The following ERBB2 variants were observed in gnomAD, a reference collection of about 807,000 sequenced individuals.
ERBB2 encodes receptor tyrosine-protein kinase erbB-2.
ERBB2 carries 61 observed loss-of-function variants against 149.0 expected under a neutral mutation model. That is an observed-to-expected ratio of 0.41 (90% CI 0.33 to 0.51). The LOEUF is 0.51. Ranked by LOEUF, ERBB2 falls within the 20% of genes least tolerant of loss-of-function variation. ERBB2 has a pLI of 0.25. For missense variants in ERBB2, 1,205 were observed against 1,655.1 expected, an observed-to-expected ratio of 0.73 and a Z score of 4.72; for synonymous variants, 633 against 678.8, an observed-to-expected ratio of 0.93 and a Z score of 1.05.
upstream of ERBB2, among the ~76,000 whole-genome samples, chr17:39,697,804 C>G (rs1017348563): frequency 1.3e-5 from 2 of 152,034 alleles, no homozygotes; most frequent in African/African-American, 4.8e-5. Flanking sequence ...AGCAATTCTC[C>G]TGCCTCAGCC....
rs971655376 is a variant in ERBB2, at chr17:39,709,845, C to T, written c.607C>T (p.Arg203Cys). Residue 203 changes from arginine (R) to cysteine (C), a missense_variant, in exon 5 of 27, where the codon CGC (arginine) becomes TGC (cysteine). Around this residue, in one of 6 missense-constraint regions of ERBB2, gnomAD observed 569 missense variants for 803.5 expected, o/e 0.71. Coordinates refer to ENST00000269571, the MANE Select transcript of ERBB2 (RefSeq NM_004448.4). ...CTGTTCTCCGATGTGTAAGGGCTCC[C>T]GCTGCTGGGGAGAGAGTTCTGAGGA... ...HPCSPMCKGS[R>C]CWGESSEDCQ... The T allele has an allele frequency of 1.2e-5, 19 of 1,613,370 alleles. No homozygotes were observed. Among genetic ancestry groups the T allele is most frequent in the Admixed American group, 1.7e-5 (1 of 59,994 alleles).
rs921911454 is a variant in ERBB2 at position 39,707,017 on chromosome 17, G to A, written c.101G>A (p.Arg34Gln). The change falls in exon 2 of 27, where the codon CGG becomes CAG. Residue 34 changes from arginine to glutamine, a missense_variant. Arg to Gln is a conservative substitution (Grantham distance 43). This residue lies in a region of ERBB2 where 101 missense variants were observed against 95.1 expected (regional missense o/e 1.06). Transcript: ENST00000269571. Reference sequence around the variant, plus strand: ...TGCACCGGCACAGACATGAAGCTGCGGCTCCCTGCCAGTCCCGAGACCCAC... The same window carrying A: ...TGCACCGGCACAGACATGAAGCTGCAGCTCCCTGCCAGTCCCGAGACCCAC... ...QVCTGTDMKLRLPASPETHLD... is the reference protein window; with the variant it reads ...QVCTGTDMKLQLPASPETHLD... 3.8e-6 allele frequency: 6 copies of A among 1,595,566 alleles called. No homozygotes were observed. The African/African-American group carries it at 4.1e-5, about 11-fold the overall frequency.
chr17:39,691,869 A>T (rs1042904120), upstream of ERBB2, among the ~76,000 whole-genome samples: 2 of 124,160 alleles, frequency 1.6e-5, no homozygotes, highest in African/African-American at 6.5e-5. Context: ...CCTTCATGAT[A>T]GATATAGATA....
chr17:39,691,916 C>CATAT (rs1567886237), upstream of ERBB2, among the ~76,000 whole-genome samples: 3 of 97,770 alleles, frequency 3.1e-5, no homozygotes, highest in African/African-American at 1.2e-4. Context: ...TATACATATA[C>CATAT]ATATACATAT....
chr17:39,696,567 G>A (rs1338823051), upstream of ERBB2: 3 of 152,348 alleles, frequency 2.0e-5, no homozygotes, highest in African/African-American at 7.2e-5. Context: ...GAGGGTAATG[G>A]GTGAAGCCAA....
chr17:39,705,717 CA>C (rs2058385053), intron 1 of ERBB2, among the ~76,000 whole-genome samples: 1 of 152,282 alleles, frequency 6.6e-6, no homozygotes, highest in East Asian at 1.9e-4. Context: ...AATCTGAAGG[CA>C]GGGGGTACCT....
At chr17:39,724,210 C>T (rs2059607729) in intron 19 of ERBB2, among the ~76,000 whole-genome samples, 200 bp downstream of exon 19, 3 of 150,990 alleles carry the variant, frequency 2.0e-5, no homozygotes, top group African/African-American at 7.3e-5. Context: ...CCTCCACCTC[C>T]TGGACTCAAG....
At chr17:39,714,622 G>A (rs1260588835) in intron 9 of ERBB2, among the ~76,000 whole-genome samples, 1 of 152,060 alleles carries the variant, frequency 6.6e-6, no homozygotes, top group East Asian at 1.9e-4. Context: ...TGGGTGGCTC[G>A]GGGTTTTATT....
chr17:39,715,881 C>T lies in ERBB2; in HGVS notation c.1455C>T (p.Leu485=). 1 of 1,612,604 alleles carries T rather than the reference C, an allele frequency of 6.2e-7. No individual in the cohort carries two copies. Among genetic ancestry groups the T allele is most frequent in the Non-Finnish European group, 8.5e-7 (1 of 1,180,024 alleles). Residue 485 remains leucine (L), a synonymous_variant, in exon 12 of 27, where the codon CTC becomes CTT. Transcript: ENST00000269571. ...TGCACACGGTGCCCTGGGACCAGCT[C>T]TTTCGGAACCCGCACCAAGCTCTGC... ...CFVHTVPWDQ[L]FRNPHQALLH...
rs757332075 is a variant in ERBB2, at chr17:39,727,502, G to A, written c.3367G>A (p.Glu1123Lys). 1.2e-6 allele frequency: 2 copies of A among 1,608,108 alleles called. No homozygotes were observed. Among genetic ancestry groups the A allele is most frequent in the Admixed American group, 3.5e-5 (2 of 57,584 alleles). Residue 1123 changes from glutamate (E) to lysine (K), a missense_variant, in exon 26 of 27, where the codon GAG (glutamate) becomes AAG (lysine). Physicochemically the swap from Glu to Lys is moderately conservative, Grantham distance 56. Transcript: ENST00000269571. The surrounding 1 kb of genome is among the most constrained non-coding windows in gnomAD (Gnocchi z 4.3). The stretch of plus-strand genomic sequence containing the variant: ...GGACCCCACAGTACCCCTGCCCTCT[G>A]AGACTGATGGCTACGTTGCCCCCCT... ...SEDPTVPLPSETDGYVAPLTC... is the reference protein window; with the variant it reads ...SEDPTVPLPSKTDGYVAPLTC...
chr17:39,697,352 TTG>T (rs1398919651), upstream of ERBB2, among the ~76,000 whole-genome samples: 6 of 148,022 alleles, frequency 4.1e-5, no homozygotes, highest in African/African-American at 7.8e-5. Flanking sequence ...TTTTTTTGTT[TTG>T]TTTTTTTTTT....
chr17:39,700,199 G>A lies in ERBB2; in HGVS notation c.-40G>A, dbSNP rs1235054006. The A allele has an allele frequency of 4.3e-6, 6 of 1,410,978 alleles. No individual in the cohort carries two copies. In the Admixed American group the frequency reaches 1.8e-4, roughly 41 times the overall value. 87.4% of individuals were successfully genotyped at this position (1,410,978 alleles called of 1,614,324 possible). Reference sequence around the variant, plus strand: ...CCGCGCCCCGCGCCCTCCCAGCCGGGTCCAGCCGGAGCCATGGGGCCGGAG... The same window carrying A: ...CCGCGCCCCGCGCCCTCCCAGCCGGATCCAGCCGGAGCCATGGGGCCGGAG... On this transcript the variant is annotated 5_prime_UTR_variant, in exon 1 of 27. Transcript: ENST00000269571.
upstream of ERBB2, among the ~76,000 whole-genome samples, chr17:39,691,212 T>C (rs1348923173): frequency 1.3e-5 from 2 of 151,836 alleles, no homozygotes; most frequent in African/African-American, 2.4e-5. Flanking sequence ...GTACTTTTCA[T>C]GGTCAGAGGA....
intron 9 of ERBB2, among the ~76,000 whole-genome samples, chr17:39,713,850 A>G (rs528931754): frequency 2.4e-4 from 37 of 151,980 alleles, no homozygotes; most frequent in Admixed American, 9.9e-4. Context: ...GAGCCCAGGA[A>G]TTCAAGAACA....
chr17:39,723,986 C>T lies in ERBB2; in HGVS notation c.2283C>T (p.Pro761=), dbSNP rs775883027. The T allele has an allele frequency of 1.2e-6, 2 of 1,613,656 alleles. No individual in the cohort carries two copies. The highest frequency in any genetic ancestry group is 1.1e-5 in the South Asian group (1 of 91,068). Residue 761 remains proline, a synonymous_variant, in exon 19 of 27, where the codon CCC becomes CCT. Transcript: ENST00000269571. This position sits in a 1 kb window ranked among gnomAD's most constrained non-coding sequence, Gnocchi z 6.2. ...AIKVLRENTS[P]KANKEILDEA... ...AAGTGTTGAGGGAAAACACATCCCC[C>T]AAAGCCAACAAAGAAATCTTAGACG...
intron 9 of ERBB2, among the ~76,000 whole-genome samples, chr17:39,712,835 C>T (rs2058889670): frequency 6.6e-6 from 1 of 152,104 alleles, no homozygotes; most frequent in Non-Finnish European, 1.5e-5. Context: ...AATGAACTAC[C>T]GATACAACAT....
chr17:39,725,029 A>G lies in ERBB2; in HGVS notation c.2494-20A>G. On this transcript the variant is annotated intron_variant, in intron 20 of 26. Coordinates refer to ENST00000269571, the MANE Select transcript of ERBB2 (RefSeq NM_004448.4). This position sits in a 1 kb window ranked among gnomAD's most constrained non-coding sequence, Gnocchi z 4.6. ...GCCCAGGCCCTCCCAGAAGGTCTAC[A>G]TGGGTGCTTCCCATTCCAGGGGATG... 1 of 1,614,030 alleles carries G rather than the reference A, an allele frequency of 6.2e-7. No homozygotes were observed. The highest frequency in any genetic ancestry group is 8.5e-7 in the Non-Finnish European group (1 of 1,179,972).
At chr17:39,695,495 G>A (rs1051665054), upstream of ERBB2, among the ~76,000 whole-genome samples, 18 of 152,076 alleles carry the variant, frequency 1.2e-4, no homozygotes, top group African/African-American at 3.6e-4. Context: ...AGCCTACTCT[G>A]AGGAACTCTT....
chr17:39,723,740 G>GA lies in ERBB2; in HGVS notation c.2208+81dup. ...GGGGTGTGGTCGGCAGTTCTGATGGGAGGGGCAAGAGCTGGAGGCAGTGTT... is the reference window on the plus strand; with the variant it reads ...GGGGTGTGGTCGGCAGTTCTGATGGGAAGGGGCAAGAGCTGGAGGCAGTGTT... On this transcript the variant is annotated intron_variant, in intron 18 of 26. Coordinates refer to ENST00000269571, the MANE Select transcript of ERBB2 (RefSeq NM_004448.4). The surrounding 1 kb of genome is among the most constrained non-coding windows in gnomAD (Gnocchi z 6.2). 1 of 1,549,502 alleles carries GA rather than the reference G, an allele frequency of 6.5e-7. No homozygotes were observed. The highest frequency in any genetic ancestry group is 1.2e-5 in the South Asian group (1 of 84,920).
Sources: gnomAD v4.1 joint callset for allele counts (sites outside exome capture counted in the v4.1 genomes callset) on GRCh38, gnomAD v4.1.1 for gene constraint, gnomAD v4.1.1 regional missense constraint, Gnocchi (gnomAD v3.1) non-coding constraint, MANE v1.5 for transcripts, NCBI Gene and HGNC (gene_info 2026-07-23, HGNC 2026-07-21) for gene names.